Variants in FNDC3A observed in about 807,000 individuals in gnomAD.
FNDC3A encodes the protein fibronectin type III domain containing 3A.
Under a neutral mutation model 148.9 loss-of-function variants are expected in FNDC3A, and 32 were observed. The observed-to-expected ratio is 0.21, with a 90% CI of 0.16 to 0.29. The LOEUF (loss-of-function observed/expected upper bound fraction) is 0.29, where lower values mean the gene tolerates loss of function less well. Ranked by LOEUF, FNDC3A falls within the 10% of genes least tolerant of loss-of-function variation. The pLI, the probability that FNDC3A is intolerant of heterozygous loss-of-function variation, is 1.00. For synonymous variants in FNDC3A, 472 were observed against 473.6 expected, an observed-to-expected ratio of 1.00 and a Z score of 0.04; for missense variants, 1,191 against 1,452.8, an observed-to-expected ratio of 0.82 and a Z score of 2.93.
At chr13:49,111,855 A>G (rs1039841965) in intron 3 of FNDC3A, among the ~76,000 whole-genome samples, 1 of 152,080 alleles carries the variant, frequency 6.6e-6, no homozygotes, top group African/African-American at 2.4e-5. Context: ...GACTACATCT[A>G]GTAATATATT....
chr13:48,993,556 T>G (rs575901918), intron 1 of FNDC3A, among the ~76,000 whole-genome samples: 42 of 152,310 alleles, frequency 2.8e-4, no homozygotes, highest in African/African-American at 9.9e-4. Flanking sequence ...ACAAAAAAAT[T>G]TTTAATGAAG....
At chr13:49,121,825 A>G (rs1881368130) in intron 4 of FNDC3A, among the ~76,000 whole-genome samples, 1 of 152,202 alleles carries the variant, frequency 6.6e-6, no homozygotes, top group Non-Finnish European at 1.5e-5. Flanking sequence ...TGAATAGACC[A>G]ATAACAAGTT....
At chr13:49,114,416 C>G (rs556068703) in intron 3 of FNDC3A, among the ~76,000 whole-genome samples, 998 of 35,910 alleles carry the variant, frequency 0.028, 20 homozygotes, top group African/African-American at 0.066. Flanking sequence ...AACCTCCCCG[C>G]CCCCCACCAC....
chr13:49,197,004 C>T lies in FNDC3A; in HGVS notation c.2340+14C>T, dbSNP rs775419972. The T allele has an allele frequency of 6.9e-6, 10 of 1,457,272 alleles. No homozygotes were observed. The East Asian group carries it at 2.3e-4, about 33-fold the overall frequency. The allele number at this position is 1,457,272 out of a possible 1,614,324, so 90.3% of individuals were successfully genotyped here. A position where few individuals can be genotyped will look rare whatever the true frequency, so the allele number is the denominator to read the frequency against. On this transcript the variant is annotated intron_variant, in intron 20 of 25. Coordinates refer to ENST00000492622, the MANE Select transcript of FNDC3A (RefSeq NM_001079673.2). ...GTGAATTGGGAGGTATTGTAATTTC[C>T]ATTGACTTGTATCTACTTTCTTAAG...
chr13:49,028,286 G>A (rs548752199), intron 2 of FNDC3A, among the ~76,000 whole-genome samples: 1 of 152,158 alleles, frequency 6.6e-6, no homozygotes, highest in East Asian at 1.9e-4. Flanking sequence ...AAGAGACAGG[G>A]TCTTGCTCTA....
intron 1 of FNDC3A, among the ~76,000 whole-genome samples, chr13:49,001,005 C>G (rs1034441434): frequency 2.6e-5 from 4 of 151,372 alleles, no homozygotes; most frequent in South Asian, 2.1e-4. Context: ...GGTTTTCTAC[C>G]TATAAGATTA....
At chr13:49,073,377 A>G (rs1257502532) in intron 2 of FNDC3A, among the ~76,000 whole-genome samples, 1 of 152,104 alleles carries the variant, frequency 6.6e-6, no homozygotes, top group Non-Finnish European at 1.5e-5. Context: ...AGACATAACA[A>G]TCAAAGAAGG....
At chr13:49,138,718 TA>T in intron 6 of FNDC3A, 28 bp from the exon 7 acceptor site, 1 of 1,148,976 alleles carries the variant, frequency 8.7e-7, no homozygotes, top group Non-Finnish European at 1.3e-6. Flanking sequence ...TTCTTTTTTT[TA>T]AATATTCAAA....
intron 2 of FNDC3A, among the ~76,000 whole-genome samples, chr13:49,063,354 T>C (rs946668349): frequency 2.6e-5 from 4 of 152,048 alleles, no homozygotes; most frequent in Non-Finnish European, 5.9e-5. Context: ...GGTAAGTTTT[T>C]TTTTTAAAAT....
At chr13:49,158,041 G>A (rs1205388959) in intron 8 of FNDC3A, among the ~76,000 whole-genome samples, 4 of 152,048 alleles carry the variant, frequency 2.6e-5, no homozygotes, top group Non-Finnish European at 5.9e-5. Context: ...AGCTGTGGTG[G>A]GCTCCACTCA....
At chr13:49,002,915 T>C (rs1952151481) in intron 1 of FNDC3A, among the ~76,000 whole-genome samples, 1 of 152,210 alleles carries the variant, frequency 6.6e-6, no homozygotes, top group Non-Finnish European at 1.5e-5. Flanking sequence ...AGCTGGATCA[T>C]AACTGGGTCC....
chr13:49,197,392 C>G (rs1272161615), intron 20 of FNDC3A, among the ~76,000 whole-genome samples: 2 of 150,810 alleles, frequency 1.3e-5, no homozygotes, highest in African/African-American at 4.8e-5. Context: ...ATTTTCAGTT[C>G]CCTTTGAAAT....
chr13:49,174,803 T>C (rs963791897), intron 12 of FNDC3A, among the ~76,000 whole-genome samples: 7 of 152,194 alleles, frequency 4.6e-5, no homozygotes, highest in African/African-American at 1.7e-4. Flanking sequence ...TTTTTATATG[T>C]GACAAAGAGA....
chr13:49,194,370 T>G (rs1886045603), intron 19 of FNDC3A, among the ~76,000 whole-genome samples: 1 of 152,248 alleles, frequency 6.6e-6, no homozygotes, highest in Non-Finnish European at 1.5e-5. Flanking sequence ...TTCATTGATT[T>G]TTACATGAAA....
intron 4 of FNDC3A, among the ~76,000 whole-genome samples, chr13:49,122,217 A>T (rs1881396670): frequency 6.6e-6 from 1 of 152,198 alleles, no homozygotes; most frequent in Non-Finnish European, 1.5e-5. Context: ...AATAAACGTA[A>T]TCTATCACAT....
At chr13:49,052,432 T>A (rs1005117814) in intron 2 of FNDC3A, among the ~76,000 whole-genome samples, 1 of 149,354 alleles carries the variant, frequency 6.7e-6, no homozygotes, top group East Asian at 2.0e-4. Context: ...AGAGCTGAAC[T>A]TTTTTTTTTG....
intron 19 of FNDC3A, among the ~76,000 whole-genome samples, chr13:49,192,894 AG>A (rs1593735765): frequency 6.6e-6 from 1 of 152,232 alleles, no homozygotes; most frequent in Admixed American, 6.5e-5. Context: ...ATGTACTATA[AG>A]TACACTATTT....
rs567951368 is a variant in FNDC3A, at chr13:49,075,880, GGT to G, written c.175+517_175+518del. 3.5e-3 allele frequency among the ~76,000 whole-genome samples: 455 copies of G among 130,788 alleles called. 5 individuals are homozygous for G. Among genetic ancestry groups the G allele is most frequent in the Admixed American group, 7.7e-3 (75 of 9,776 alleles). 85.8% of individuals were successfully genotyped at this position (130,788 alleles called of 152,430 possible). A position where few individuals can be genotyped will look rare whatever the true frequency, so the allele number is the denominator to read the frequency against. ...CTGAGCTCCAGTCCTACCTTTAACA[GGT>G]TTTTTGGAAAGTCTTTGTTTAGTGA... is the stretch of plus-strand genomic sequence containing the variant. On this transcript the variant is annotated intron_variant, in intron 3 of 25. Coordinates refer to ENST00000492622, the MANE Select transcript of FNDC3A (RefSeq NM_001079673.2).
intron 4 of FNDC3A, among the ~76,000 whole-genome samples, chr13:49,119,373 A>G (rs1383451089): frequency 6.6e-6 from 1 of 152,220 alleles, no homozygotes; most frequent in African/African-American, 2.4e-5. Flanking sequence ...CCAAAGGTAG[A>G]TAAATCCATG....
Sources: allele counts gnomAD v4.1 joint callset (sites outside exome capture counted in the v4.1 genomes callset), GRCh38; gene constraint gnomAD v4.1.1; transcripts MANE v1.5; gene names NCBI Gene and HGNC (gene_info 2026-07-23, HGNC 2026-07-21).